TMEM200B: variants seen among roughly 807,000 people sequenced by gnomAD.
TMEM200B encodes transmembrane protein TTMA.
In TMEM200B, 12 loss-of-function variants were observed where a neutral mutation model predicts 17.6. That is an observed-to-expected ratio of 0.68 (90% CI 0.44 to 1.11). The LOEUF (loss-of-function observed/expected upper bound fraction) is 1.11, where lower values mean the gene tolerates loss of function less well. Among genes scored for constraint, TMEM200B ranks in the 50% least tolerant of loss-of-function variants. TMEM200B has a pLI of 0.00. For synonymous variants in TMEM200B, 234 were observed against 209.2 expected (o/e 1.12, Z -1.02); for missense variants, 456 against 447.6 (o/e 1.02, Z -0.17).
Position 29,121,430 on chromosome 1 carries a change from G to A in TMEM200B, c.399C>T (p.Asn133=), listed in dbSNP as rs1203717337. ...GVGLFVFICA[N]TLLYENRDLE... ...AGTCTCGGTTCTCATACAGCAGTGT[G>A]TTGGCGCAGATGAACACGAACAGGC... The change falls in exon 2 of 2, where the codon AAC becomes AAT. Residue 133 remains asparagine (N), a synonymous_variant. Coordinates refer to ENST00000521452, the MANE Select transcript of TMEM200B (RefSeq NM_001003682.4). The surrounding 1 kb of genome is among the most constrained non-coding windows in gnomAD (Gnocchi z 5.6). 6 of 1,536,130 alleles carry A rather than the reference G, an allele frequency of 3.9e-6. No homozygotes were observed. The highest frequency in any genetic ancestry group is 1.2e-5 in the South Asian group (1 of 84,080).
Position 29,120,546 on chromosome 1 carries a change from C to T in TMEM200B, c.*359G>A. On this transcript the variant is annotated 3_prime_UTR_variant, in exon 2 of 2. Transcript: ENST00000521452. ...CCAACCTACCTCCCAGTCTTAGGGG[C>T]CCTTGCCCACCACTTTCTTGGGTTT... 3.9e-6 allele frequency: 1 copy of T among 257,136 alleles called. No individual in the cohort carries two copies. Among genetic ancestry groups the T allele is most frequent in the Non-Finnish European group, 7.5e-6 (1 of 133,692 alleles). 15.9% of individuals were successfully genotyped at this position (257,136 alleles called of 1,614,324 possible). A position where few individuals can be genotyped will look rare whatever the true frequency, so the allele number is the denominator to read the frequency against.
chr1:29,123,223 T>C (rs1671876543), intron 1 of TMEM200B, among the ~76,000 whole-genome samples: 1 of 152,084 alleles, frequency 6.6e-6, no homozygotes, highest in Non-Finnish European at 1.5e-5. Context: ...GCCGCCACTC[T>C]CCCGCGTCCA....
rs1671666060 is a variant in TMEM200B at position 29,120,117 on chromosome 1, G to A, written c.*788C>T. Reference sequence around the variant, plus strand: ...TTGGGAAAAATTAAATATGGGTGGGGGAGACCTAAACTCAAGTCATTTTCT... The same window carrying A: ...TTGGGAAAAATTAAATATGGGTGGGAGAGACCTAAACTCAAGTCATTTTCT... On this transcript the variant is annotated 3_prime_UTR_variant, in exon 2 of 2. Transcript: ENST00000521452. 1 of 152,570 alleles carries A rather than the reference G, an allele frequency of 6.6e-6. No individual in the cohort carries two copies. Among genetic ancestry groups the A allele is most frequent in the Non-Finnish European group, 1.5e-5 (1 of 68,036 alleles). 9.5% of individuals were successfully genotyped at this position (152,570 alleles called of 1,614,324 possible). A position where few individuals can be genotyped will look rare whatever the true frequency, so the allele number is the denominator to read the frequency against.
chr1:29,120,948 T>C lies in TMEM200B; in HGVS notation c.881A>G (p.Tyr294Cys), dbSNP rs372915330. 1,263 of 1,611,646 alleles carry C rather than the reference T, an allele frequency of 7.8e-4. 23 individuals are homozygous for C. The South Asian group carries it at 0.013, about 17-fold the overall frequency. The change falls in exon 2 of 2, where the codon TAT becomes TGT. Residue 294 changes from tyrosine (Y) to cysteine (C), a missense_variant. By Grantham distance (194) the Tyr-to-Cys change is radical (BLOSUM62 -2). Transcript: ENST00000521452. Reference protein sequence around the residue: ...PRLDRLSLGGYAKLGGGGDLG... With the variant: ...PRLDRLSLGGCAKLGGGGDLG... Reference sequence around the variant, plus strand: ...GTCCCCTCCTCCTCCCAATTTGGCATAGCCCCCAAGACTGAGGCGGTCCAG... The same window carrying C: ...GTCCCCTCCTCCTCCCAATTTGGCACAGCCCCCAAGACTGAGGCGGTCCAG...
rs1671902606 is a variant in TMEM200B at position 29,123,857 on chromosome 1, T to TGGCGCCGC, written c.-30_-23dup. 1 of 151,868 alleles carries TGGCGCCGC rather than the reference T, an allele frequency of 6.6e-6. No individual in the cohort carries two copies. The highest frequency in any genetic ancestry group is 1.5e-5 in the Non-Finnish European group (1 of 67,936). The allele number at this position is 151,868 out of a possible 1,614,324, so 9.4% of individuals were successfully genotyped here. On this transcript the variant is annotated splice_region_variant and 5_prime_UTR_variant, in exon 1 of 2. Transcript: ENST00000521452. Reference sequence around the variant, plus strand: ...CCCCTGGACCCCAGCTCGGCTCACCTGGCGCCGCAGCGCCGCGCGGGTCCG... The same window carrying TGGCGCCGC: ...CCCCTGGACCCCAGCTCGGCTCACCTGGCGCCGCGGCGCCGCAGCGCCGCGCGGGTCCG...
In TMEM200B at chr1:29,120,833, G is replaced by A; in HGVS notation, c.*72C>T. On this transcript the variant is annotated 3_prime_UTR_variant, in exon 2 of 2. Transcript: ENST00000521452. ...GTGACTGAAACATCTATTAGACGTT[G>A]GGACTCCTGGTCCTTTGGTCCTATT... The A allele has an allele frequency of 6.9e-7, 1 of 1,445,494 alleles. No homozygotes were observed. The highest frequency in any genetic ancestry group is 1.4e-5 in the South Asian group (1 of 69,542). 89.5% of individuals were successfully genotyped at this position (1,445,494 alleles called of 1,614,324 possible).
chr1:29,121,345 C>A lies in TMEM200B; in HGVS notation c.484G>T (p.Gly162Cys). The A allele has an allele frequency of 6.4e-7, 1 of 1,566,428 alleles. No individual in the cohort carries two copies. ...LRAQALRPPD[G>C]PGWDCALLPS... ...AGGAGGGCGCAGTCCCAGCCCGGGC[C>A]GTCGGGGGGCCGGAGCGCCTGGGCC... The change falls in exon 2 of 2, where the codon GGC becomes TGC. Residue 162 changes from glycine (G) to cysteine (C), a missense_variant. By Grantham distance (159) the Gly-to-Cys change is radical. Coordinates refer to ENST00000521452, the MANE Select transcript of TMEM200B (RefSeq NM_001003682.4). This position sits in a 1 kb window ranked among gnomAD's most constrained non-coding sequence, Gnocchi z 5.6.
In TMEM200B at chr1:29,121,646, G is replaced by T. The variant is rs755469394; in HGVS notation, c.183C>A (p.Leu61=). The change falls in exon 2 of 2, where the codon CTC becomes CTA. Residue 61 remains leucine, a synonymous_variant. Coordinates refer to ENST00000521452, the MANE Select transcript of TMEM200B (RefSeq NM_001003682.4). This position sits in a 1 kb window ranked among gnomAD's most constrained non-coding sequence, Gnocchi z 5.6. The stretch of plus-strand genomic sequence containing the variant: ...CAATGCCCATACCCACCAGTACCAC[G>T]AGCGCCCCCAGCGCCGCGAACGCCC... The part of the protein sequence containing the change: ...PSGAFAALGA[L]VVLVGMGIAV... The T allele has an allele frequency of 4.1e-6, 6 of 1,457,102 alleles. No homozygotes were observed. The African/African-American group carries it at 8.9e-5, about 22-fold the overall frequency. The allele number at this position is 1,457,102 out of a possible 1,614,324, so 90.3% of individuals were successfully genotyped here.
intron 1 of TMEM200B, among the ~76,000 whole-genome samples, chr1:29,122,941 T>C (rs1220406378): frequency 1.3e-5 from 2 of 152,044 alleles, no homozygotes; most frequent in African/African-American, 2.4e-5. Context: ...GCGTGCGGTG[T>C]GGCCCCCACG....
Position 29,121,356 on chromosome 1 carries a change from C to CG in TMEM200B, c.472dup (p.Arg158ProfsTer19). ...GTCCCAGCCCGGGCCGTCGGGGGGCCGGAGCGCCTGGGCCCGCAGCACCCC... is the reference window on the plus strand; with the variant it reads ...GTCCCAGCCCGGGCCGTCGGGGGGCCGGGAGCGCCTGGGCCCGCAGCACCCC... On this transcript the variant is annotated frameshift_variant, in exon 2 of 2. Transcript: ENST00000521452. LOFTEE classifies it high-confidence loss of function. This position sits in a 1 kb window ranked among gnomAD's most constrained non-coding sequence, Gnocchi z 5.6. The CG allele has an allele frequency of 2.6e-6, 4 of 1,559,118 alleles. No individual in the cohort carries two copies. The highest frequency in any genetic ancestry group is 3.5e-6 in the Non-Finnish European group (4 of 1,153,918).
rs748086780 is a variant in TMEM200B, at chr1:29,121,819, C to T, written c.10G>A (p.Gly4Arg). MTA[G>R]SPEECGEVRR... ...ACCTCCCCGCATTCTTCGGGGCTCC[C>T]GGCCGTCATCTCGCCGTCGTCTGGG... is the stretch of plus-strand genomic sequence containing the variant. Residue 4 changes from glycine (G) to arginine (R), a missense_variant, in exon 2 of 2, where the codon GGG (glycine) becomes AGG (arginine). Coordinates refer to ENST00000521452, the MANE Select transcript of TMEM200B (RefSeq NM_001003682.4). The surrounding 1 kb of genome is among the most constrained non-coding windows in gnomAD (Gnocchi z 5.6). The T allele has an allele frequency of 3.1e-6, 4 of 1,286,984 alleles. No individual in the cohort carries two copies. The highest frequency in any genetic ancestry group is 3.2e-5 in the Admixed American group (1 of 31,106). 79.7% of individuals were successfully genotyped at this position (1,286,984 alleles called of 1,614,324 possible).
chr1:29,122,797 C>T (rs1016791839), intron 1 of TMEM200B, among the ~76,000 whole-genome samples: 12 of 152,252 alleles, frequency 7.9e-5, no homozygotes, highest in Non-Finnish European at 1.5e-4. Flanking sequence ...CTCCGTGGCC[C>T]GTGGCCCGGT....
chr1:29,122,406 C>T (rs1160930513), intron 1 of TMEM200B: 1 of 152,640 alleles, frequency 6.6e-6, no homozygotes, highest in Admixed American at 6.5e-5. Flanking sequence ...CAGCCTCTCC[C>T]TGCCCGCCCC....
chr1:29,121,648 G>GCGCCCCCAGCGCCGCGAA lies in TMEM200B; in HGVS notation c.163_180dup (p.Phe55_Ala60dup). ...ATGCCCATACCCACCAGTACCACGA[G>GCGCCCCCAGCGCCGCGAA]CGCCCCCAGCGCCGCGAACGCCCCC... On this transcript the variant is annotated inframe_insertion, in exon 2 of 2. Transcript: ENST00000521452. The surrounding 1 kb of genome is among the most constrained non-coding windows in gnomAD (Gnocchi z 5.6). 1 of 1,431,100 alleles carries GCGCCCCCAGCGCCGCGAA rather than the reference G, an allele frequency of 7.0e-7. No individual in the cohort carries two copies. Among genetic ancestry groups the GCGCCCCCAGCGCCGCGAA allele is most frequent in the Non-Finnish European group, 9.1e-7 (1 of 1,096,926 alleles). 88.7% of individuals were successfully genotyped at this position (1,431,100 alleles called of 1,614,324 possible). A position where few individuals can be genotyped will look rare whatever the true frequency, so the allele number is the denominator to read the frequency against.
rs760656486 is a variant in TMEM200B at position 29,121,341 on chromosome 1, G to C, written c.488C>G (p.Pro163Arg). ...RAQALRPPDG[P>R]GWDCALLPSP... ...GGGAAGGAGGGCGCAGTCCCAGCCC[G>C]GGCCGTCGGGGGGCCGGAGCGCCTG... Residue 163 changes from proline (P) to arginine (R), a missense_variant, in exon 2 of 2, where the codon CCG (proline) becomes CGG (arginine). Transcript: ENST00000521452. This position sits in a 1 kb window ranked among gnomAD's most constrained non-coding sequence, Gnocchi z 5.6. The C allele has an allele frequency of 1.3e-5, 21 of 1,567,826 alleles. No individual in the cohort carries two copies. In the Admixed American group the frequency reaches 1.5e-4, roughly 11 times the overall value.
At position 29,121,226 on chromosome 1, in the gene TMEM200B, C is replaced by T. The variant is rs1558374455; in HGVS notation, c.603G>A (p.Pro201=). The T allele has an allele frequency of 1.9e-6, 3 of 1,613,302 alleles. No individual in the cohort carries two copies. Among genetic ancestry groups the T allele is most frequent in the South Asian group, 2.2e-5 (2 of 91,068 alleles). ...GCTCTGAACGCAGACTCCGCACTGA[C>T]GGGACGGGTGAAGTACCCCGACGCG... The part of the protein sequence containing the change: ...PSPRRGTSPV[P]SVRSLRSEPA... The change falls in exon 2 of 2, where the codon CCG becomes CCA. Residue 201 remains proline (P), a synonymous_variant. Coordinates refer to ENST00000521452, the MANE Select transcript of TMEM200B (RefSeq NM_001003682.4). The surrounding 1 kb of genome is among the most constrained non-coding windows in gnomAD (Gnocchi z 5.6).
At position 29,120,934 on chromosome 1, in the gene TMEM200B, C is replaced by T. The variant is rs768354200; in HGVS notation, c.895G>A (p.Gly299Arg). 1.9e-6 allele frequency: 3 copies of T among 1,609,300 alleles called. No homozygotes were observed. The highest frequency in any genetic ancestry group is 3.3e-5 in the Admixed American group (2 of 59,722). Residue 299 changes from glycine (G) to arginine (R), a missense_variant, in exon 2 of 2, where the codon GGA (glycine) becomes AGA (arginine). Gly to Arg is a moderately radical substitution (Grantham distance 125). Transcript: ENST00000521452. ...ACCCGGGCCCCCAAGTCCCCTCCTC[C>T]TCCCAATTTGGCATAGCCCCCAAGA... ...LSLGGYAKLG[G>R]GGDLGARV is the part of the protein sequence containing the mutation.
chr1:29,122,693 C>T (rs1671861579), intron 1 of TMEM200B, among the ~76,000 whole-genome samples: 1 of 152,194 alleles, frequency 6.6e-6, no homozygotes, highest in Non-Finnish European at 1.5e-5. Flanking sequence ...CAAGGCTGTT[C>T]CCAGGTTGCG....
rs1287955449 is a variant in TMEM200B at position 29,119,989 on chromosome 1, T to C, written c.*916A>G. On this transcript the variant is annotated 3_prime_UTR_variant, in exon 2 of 2. Coordinates refer to ENST00000521452, the MANE Select transcript of TMEM200B (RefSeq NM_001003682.4). Reference sequence around the variant, plus strand: ...AGTGGTTGTAGTGTTTAGATATCTGTTTGGTCTTGCTTCTTGTATTGCATT... The same window carrying C: ...AGTGGTTGTAGTGTTTAGATATCTGCTTGGTCTTGCTTCTTGTATTGCATT... 2 of 152,598 alleles carry C rather than the reference T, an allele frequency of 1.3e-5. No individual in the cohort carries two copies. The highest frequency in any genetic ancestry group is 2.4e-5 in the African/African-American group (1 of 41,408). 9.5% of individuals were successfully genotyped at this position (152,598 alleles called of 1,614,324 possible). A position where few individuals can be genotyped will look rare whatever the true frequency, so the allele number is the denominator to read the frequency against.
Sources: allele counts gnomAD v4.1 joint callset (sites outside exome capture counted in the v4.1 genomes callset), GRCh38; gene constraint gnomAD v4.1.1; non-coding constraint Gnocchi (gnomAD v3.1); transcripts MANE v1.5; gene names NCBI Gene and HGNC (gene_info 2026-07-23, HGNC 2026-07-21).